Variants in KRT85 observed in about 807,000 individuals in gnomAD.
KRT85 encodes keratin 85, also known as keratin, type II cuticular Hb5.
Under a neutral mutation model 53.7 loss-of-function variants are expected in KRT85, and 39 were observed. That is an observed-to-expected ratio of 0.73 (90% CI 0.56 to 0.95). The LOEUF (loss-of-function observed/expected upper bound fraction) is 0.95, where lower values mean the gene tolerates loss of function less well. Ranked by LOEUF, KRT85 falls within the 40% of genes least tolerant of loss-of-function variation. The probability of loss-of-function intolerance (pLI) is 0.00; values close to 1 mark genes in which losing one functional copy is unlikely to be tolerated. For missense variants in KRT85, 668 were observed against 686.0 expected (o/e 0.97, Z 0.29); for synonymous variants, 291 against 277.5 (o/e 1.05, Z -0.48).
At chr12:52,361,170 C>T (rs1939185557) in intron 8 of KRT85, 124 bp from the exon 9 acceptor site, 3 of 898,466 alleles carry the variant, frequency 3.3e-6, no homozygotes, top group East Asian at 2.6e-5. Flanking sequence ...ACAATGCAGG[C>T]CCTGTCCCTG....
rs552253618 is a variant in KRT85, at chr12:52,360,340, G to C, written c.*513C>G. On this transcript the variant is annotated 3_prime_UTR_variant, in exon 9 of 9. Transcript: ENST00000257901. ...AACAGGTTAGCCCAGAAGCAGGAAG[G>C]CAGTCTGAGAGAGAAGCAAAACATG... The C allele has an allele frequency of 7.5e-4, 146 of 194,722 alleles. No homozygotes were observed. The highest frequency in any genetic ancestry group is 3.3e-3 in the African/African-American group (138 of 42,356). The allele number at this position is 194,722 out of a possible 1,614,324, so 12.1% of individuals were successfully genotyped here.
chr12:52,364,362 C>T lies in KRT85; in HGVS notation c.634G>A (p.Glu212Lys). 6.2e-7 allele frequency: 1 copy of T among 1,614,210 alleles called. No homozygotes were observed. Among genetic ancestry groups the T allele is most frequent in the East Asian group, 2.2e-5 (1 of 44,872 alleles). The stretch of plus-strand genomic sequence containing the variant: ...GTGGCTCTCAGGGCCACCTCCTCTT[C>T]ATACCTGGGTGTGGGAGAGAGAAGG... Reference protein sequence around the residue: ...EVLEGYKKKYEEEVALRATAE... With the variant: ...EVLEGYKKKYKEEVALRATAE... Residue 212 changes from glutamate to lysine, a missense_variant, in exon 3 of 9, where the codon GAA (glutamate) becomes AAA (lysine). Around this residue, in one of 3 missense-constraint regions of KRT85, gnomAD observed 488 missense variants for 498.1 expected, o/e 0.98. Coordinates refer to ENST00000257901, the MANE Select transcript of KRT85 (RefSeq NM_002283.4).
chr12:52,366,650 TAC>T (rs1201407241), intron 1 of KRT85, among the ~76,000 whole-genome samples: 3 of 149,172 alleles, frequency 2.0e-5, no homozygotes, highest in East Asian at 3.9e-4. Context: ...CTCACATGCA[TAC>T]ACACACATAT....
In KRT85 at chr12:52,363,246, C is replaced by A. The variant is rs767737636; in HGVS notation, c.951G>T (p.Lys317Asn). 5.0e-6 allele frequency: 8 copies of A among 1,614,206 alleles called. No homozygotes were observed. In the South Asian group the frequency reaches 8.8e-5, roughly 18 times the overall value. Residue 317 changes from lysine to asparagine, a missense_variant and splice_region_variant, in exon 5 of 9, where the codon AAG becomes AAT. Lys to Asn is a moderately conservative substitution (Grantham distance 94). Coordinates refer to ENST00000257901, the MANE Select transcript of KRT85 (RefSeq NM_002283.4). ...RAEAESWYRS[K>N]CEEMKATVIR... ...CAGGCAGGTGTCCTGTGCCACTCAC[C>A]TTGCTACGGTACCAGGACTCAGCCT...
At position 52,362,885 on chromosome 12, in the gene KRT85, A is replaced by T. The variant is rs535077279; in HGVS notation, c.1046T>A (p.Leu349Gln). The part of the protein sequence containing the change: ...INELNRMIQR[L>Q]TAEIENAKCQ... ...CTTGGCATTCTCAATCTCGGCCGTC[A>T]GCCTCTGGATCATGCGGTTCAGCTC... The change falls in exon 6 of 9, where the codon CTG becomes CAG. Residue 349 changes from leucine (L) to glutamine (Q), a missense_variant. Physicochemically the swap from Leu to Gln is moderately radical, Grantham distance 113. Around this residue, in one of 3 missense-constraint regions of KRT85, gnomAD observed 488 missense variants for 498.1 expected, o/e 0.98. Coordinates refer to ENST00000257901, the MANE Select transcript of KRT85 (RefSeq NM_002283.4). The T allele has an allele frequency of 6.2e-7, 1 of 1,614,174 alleles. No homozygotes were observed. The highest frequency in any genetic ancestry group is 1.1e-5 in the South Asian group (1 of 91,080).
chr12:52,363,433 A>C, intron 4 of KRT85, 23 bp from the exon 5 acceptor site: 1 of 1,614,012 alleles, frequency 6.2e-7, no homozygotes, highest in Middle Eastern at 1.6e-4. Context: ...CAGCCAGTGC[A>C]TTTGCTTCTA....
chr12:52,364,743 C>T (rs1447889783), intron 2 of KRT85: 4 of 1,373,718 alleles, frequency 2.9e-6, no homozygotes, highest in Non-Finnish European at 3.9e-6. Flanking sequence ...GATTTCCTCT[C>T]TTCATTCCCC....
intron 4 of KRT85, 103 bp from the exon 5 acceptor site, chr12:52,363,513 G>GT: frequency 2.3e-6 from 3 of 1,288,432 alleles, no homozygotes; most frequent in Non-Finnish European, 3.3e-6. Context: ...CACTGGTCAT[G>GT]AAGGTTACAT....
intron 8 of KRT85, 22 bp from the exon 9 acceptor site, chr12:52,361,068 A>G (rs778816853): frequency 1.3e-6 from 2 of 1,587,452 alleles, no homozygotes; most frequent in Non-Finnish European, 8.6e-7. Context: ...GGAGACATGG[A>G]GGGGTGAGCA....
Position 52,367,043 on chromosome 12 carries a change from C to T in KRT85, c.363G>A (p.Gln121=). The T allele has an allele frequency of 6.2e-7, 1 of 1,613,858 alleles. No individual in the cohort carries two copies. Among genetic ancestry groups the T allele is most frequent in the Non-Finnish European group, 8.5e-7 (1 of 1,179,872 alleles). The change falls in exon 1 of 9, where the codon CAG becomes CAA. Residue 121 remains glutamine, a synonymous_variant. Coordinates refer to ENST00000257901, the MANE Select transcript of KRT85 (RefSeq NM_002283.4). ...GGGACTTGATCTGCTCCTTCTCCTC[C>T]TGCTTCACGCACTGTGCGTTGGGGT... ...EIDPNAQCVK[Q]EEKEQIKSLN...
chr12:52,362,806 T>C (rs115376435), intron 6 of KRT85, 48 bp downstream of exon 6: 80,497 of 1,613,800 alleles, frequency 0.05, 2,279 homozygotes, highest in South Asian at 0.065. Context: ...TAGGGCCAGG[T>C]GCTGCAGCCT....
chr12:52,360,765 C>T lies in KRT85; in HGVS notation c.*88G>A, dbSNP rs1272897252. The T allele has an allele frequency of 3.6e-6, 5 of 1,402,434 alleles. No individual in the cohort carries two copies. The highest frequency in any genetic ancestry group is 1.7e-5 in the Admixed American group (1 of 59,682). 86.9% of individuals were successfully genotyped at this position (1,402,434 alleles called of 1,614,324 possible). A position where few individuals can be genotyped will look rare whatever the true frequency, so the allele number is the denominator to read the frequency against. On this transcript the variant is annotated 3_prime_UTR_variant, in exon 9 of 9. Coordinates refer to ENST00000257901, the MANE Select transcript of KRT85 (RefSeq NM_002283.4). ...AGGAACATCCAGAAGATTCTGGAAG[C>T]AAGCACACATTTTCCATTCACATGC...
rs1342453344 is a variant in KRT85 at position 52,363,396 on chromosome 12, G to A, written c.801C>T (p.Leu267=). 1 of 1,614,076 alleles carries A rather than the reference G, an allele frequency of 6.2e-7. No individual in the cohort carries two copies. Among genetic ancestry groups the A allele is most frequent in the Non-Finnish European group, 8.5e-7 (1 of 1,180,050 alleles). The stretch of plus-strand genomic sequence containing the variant: ...CCGAGGTGTCTGAGATGTGGGCTTG[G>A]AGAACGCGGATCTCCTGTGGGGCCA... ...RRLYEEEIRV[L]QAHISDTSVI... The change falls in exon 5 of 9, where the codon CTC becomes CTT. Residue 267 remains leucine (L), a synonymous_variant. Transcript: ENST00000257901.
At chr12:52,362,758 G>A in intron 6 of KRT85, 96 bp downstream of exon 6, 1 of 1,576,022 alleles carries the variant, frequency 6.3e-7, no homozygotes, top group Non-Finnish European at 8.7e-7. Flanking sequence ...CTTCCCTCTG[G>A]GTCCCTGCTT....
At chr12:52,362,510 A>G in intron 6 of KRT85, 39 bp from the exon 7 acceptor site, 1 of 1,609,846 alleles carries the variant, frequency 6.2e-7, no homozygotes. Flanking sequence ...TGAGAAAGAG[A>G]AGCCACAGCT....
rs750765903 is a variant in KRT85, at chr12:52,367,213, G to A, written c.193C>T (p.Arg65Trp). Reference protein sequence around the residue: ...SLCNLGSCGPRIAVGGFRAGS... With the variant: ...SLCNLGSCGPWIAVGGFRAGS... ...GCTCGGAAGCCACCTACAGCTATCCGGGGCCCGCAGGAGCCCAGGTTGCAG... is the reference window on the plus strand; with the variant it reads ...GCTCGGAAGCCACCTACAGCTATCCAGGGCCCGCAGGAGCCCAGGTTGCAG... The change falls in exon 1 of 9, where the codon CGG becomes TGG. Residue 65 changes from arginine (R) to tryptophan (W), a missense_variant. By Grantham distance (101) the Arg-to-Trp change is moderately radical. Transcript: ENST00000257901. 2.5e-6 allele frequency: 4 copies of A among 1,613,486 alleles called. No homozygotes were observed. Among genetic ancestry groups the A allele is most frequent in the Non-Finnish European group, 2.5e-6 (3 of 1,179,690 alleles).
intron 8 of KRT85, 33 bp from the exon 9 acceptor site, chr12:52,361,079 GCT>G (rs1488164674): frequency 6.4e-7 from 1 of 1,554,148 alleles, no homozygotes; most frequent in Middle Eastern, 1.7e-4. Context: ...GGGGTGAGCA[GCT>G]CCCTGCAATC....
intron 1 of KRT85, among the ~76,000 whole-genome samples, 190 bp from the exon 2 acceptor site, chr12:52,365,360 A>G (rs1194118269): frequency 2.6e-5 from 4 of 152,170 alleles, no homozygotes; most frequent in Non-Finnish European, 5.9e-5. Context: ...GTCTGACTCA[A>G]AGCCAAAGGT....
At chr12:52,363,038 AC>A (rs1376790802) in intron 5 of KRT85, 59 bp from the exon 6 acceptor site, 6 of 1,612,982 alleles carry the variant, frequency 3.7e-6, no homozygotes, top group Non-Finnish European at 5.1e-6. Flanking sequence ...CATTCAGGAC[AC>A]CACAGATGAC....
Sources: gnomAD v4.1 joint callset for allele counts (sites outside exome capture counted in the v4.1 genomes callset) on GRCh38, gnomAD v4.1.1 for gene constraint, gnomAD v4.1.1 regional missense constraint, MANE v1.5 for transcripts, NCBI Gene and HGNC (gene_info 2026-07-23, HGNC 2026-07-21) for gene names.